PTPRS: variants seen among roughly 807,000 people sequenced by gnomAD.
PTPRS encodes protein tyrosine phosphatase receptor type S, also known as receptor-type tyrosine-protein phosphatase S.
In PTPRS, 63 loss-of-function variants were observed where a neutral mutation model predicts 215.3. That is an observed-to-expected ratio of 0.29 (90% CI 0.24 to 0.36). The LOEUF (loss-of-function observed/expected upper bound fraction) is 0.36, where lower values mean the gene tolerates loss of function less well. Among genes scored for constraint, PTPRS ranks in the 10% least tolerant of loss-of-function variants. PTPRS has a pLI of 1.00. For synonymous variants in PTPRS, 1,404 were observed against 1,191.4 expected (o/e 1.18, Z -3.68); for missense variants, 2,258 against 2,825.8 (o/e 0.80, Z 4.56).
intron 26 of PTPRS, 126 bp from the exon 27 acceptor site, chr19:5,215,721 G>A (rs1001144275): frequency 3.4e-5 from 24 of 705,904 alleles, no homozygotes; most frequent in African/African-American, 2.7e-4. Flanking sequence ...CATGGCCGGG[G>A]TGGGGCTTGG....
At chr19:5,216,556 G>A (rs2041476291) in intron 26 of PTPRS, among the ~76,000 whole-genome samples, 164 bp downstream of exon 26, 1 of 152,046 alleles carries the variant, frequency 6.6e-6, no homozygotes. Flanking sequence ...AGGGCCCAAT[G>A]GACCAACCCC....
At chr19:5,247,674 G>A (rs536477555) in intron 9 of PTPRS, among the ~76,000 whole-genome samples, 20 of 152,124 alleles carry the variant, frequency 1.3e-4, no homozygotes, top group African/African-American at 4.8e-4. Context: ...ATTGGGAGGT[G>A]CAGCCTCAGG....
chr19:5,277,679 G>A, intron 2 of PTPRS: 2 of 494,688 alleles, frequency 4.0e-6, no homozygotes, highest in Non-Finnish European at 3.7e-6. Context: ...AGGAGGAAAA[G>A]CCTCCCTTCC....
chr19:5,220,618 C>A (rs945703416), intron 20 of PTPRS, among the ~76,000 whole-genome samples: 3 of 152,212 alleles, frequency 2.0e-5, no homozygotes, highest in African/African-American at 7.2e-5. Context: ...GCTCCAGCTT[C>A]AATGCCCACA....
chr19:5,237,915 C>T lies in PTPRS; in HGVS notation c.1849+1004G>A, dbSNP rs912265560. On this transcript the variant is annotated intron_variant, in intron 13 of 37. Coordinates refer to ENST00000262963, the MANE Select transcript of PTPRS (RefSeq NM_002850.4). The surrounding 1 kb of genome is among the most constrained non-coding windows in gnomAD (Gnocchi z 4.2). ...CCCGATCCCAGCGGCTCAGATGCCCCGGCTGGAGTTGATGTTAACCCTTCG... is the reference window on the plus strand; with the variant it reads ...CCCGATCCCAGCGGCTCAGATGCCCTGGCTGGAGTTGATGTTAACCCTTCG... Among the ~76,000 whole-genome samples the T allele has an allele frequency of 6.6e-6, 1 of 152,146 alleles. No individual in the cohort carries two copies. The highest frequency in any genetic ancestry group is 2.4e-5 in the African/African-American group (1 of 41,454).
At chr19:5,216,237 T>C (rs10420881) in intron 26 of PTPRS, among the ~76,000 whole-genome samples, 118,929 of 152,034 alleles carry the variant, frequency 0.78, 47,444 homozygotes, top group African/African-American at 0.95. Context: ...TCAAGCCCCC[T>C]AGGATGGCTG....
At chr19:5,219,003 T>G in intron 23 of PTPRS, 1 of 645,698 alleles carries the variant, frequency 1.5e-6, no homozygotes, top group Non-Finnish European at 2.6e-6. Flanking sequence ...AGCCCTGGGA[T>G]GTGCCCCATG....
intron 1 of PTPRS, among the ~76,000 whole-genome samples, chr19:5,315,050 A>C (rs1337573756): frequency 6.6e-6 from 1 of 152,120 alleles, no homozygotes; most frequent in Non-Finnish European, 1.5e-5. Context: ...CTTCACAAAG[A>C]CCTTGTGTGG....
intron 1 of PTPRS, among the ~76,000 whole-genome samples, chr19:5,325,079 A>T (rs970628785): frequency 6.6e-6 from 1 of 152,182 alleles, no homozygotes; most frequent in Non-Finnish European, 1.5e-5. Context: ...CCCCTCCCCG[A>T]CAATCACTGG....
chr19:5,253,665 G>A (rs968634389), intron 9 of PTPRS, among the ~76,000 whole-genome samples: 7 of 152,156 alleles, frequency 4.6e-5, no homozygotes, highest in African/African-American at 1.2e-4. Context: ...AAGCACTAGC[G>A]AAAAATGAGG....
intron 13 of PTPRS, among the ~76,000 whole-genome samples, chr19:5,232,005 A>C (rs1350572772): frequency 6.6e-6 from 1 of 152,238 alleles, no homozygotes. Flanking sequence ...GGGGAATAGC[A>C]ACAGGAGCTC....
At chr19:5,310,652 A>C (rs963973276) in intron 1 of PTPRS, among the ~76,000 whole-genome samples, 2 of 151,842 alleles carry the variant, frequency 1.3e-5, no homozygotes, top group Non-Finnish European at 2.9e-5. Context: ...GCATACAGTC[A>C]ATCCTTAACA....
At chr19:5,227,825 G>C (rs2042636295) in intron 16 of PTPRS, among the ~76,000 whole-genome samples, 1 of 152,082 alleles carries the variant, frequency 6.6e-6, no homozygotes, top group Admixed American at 6.6e-5. Context: ...CTCAATAAGT[G>C]AGTGCTCGTC....
intron 2 of PTPRS, among the ~76,000 whole-genome samples, chr19:5,282,725 C>CTGGGAGGCAGAGGCTGCAG (rs2047964209): frequency 1.3e-5 from 2 of 151,404 alleles, no homozygotes; most frequent in Non-Finnish European, 2.9e-5. Context: ...CTGCTTGAAC[C>CTGGGAGGCAGAGGCTGCAG]TGGGAGGCAG....
chr19:5,273,396 G>A (rs2047087830), intron 4 of PTPRS, 46 bp downstream of exon 4: 3 of 1,613,030 alleles, frequency 1.9e-6, no homozygotes, highest in African/African-American at 1.3e-5. Flanking sequence ...TGTCCCCAAA[G>A]CCCAGGGCCC....
At chr19:5,242,524 C>T (rs568377150) in intron 11 of PTPRS, among the ~76,000 whole-genome samples, 2 of 150,928 alleles carry the variant, frequency 1.3e-5, no homozygotes, top group East Asian at 2.0e-4. Flanking sequence ...TGTGCCACCA[C>T]GACTGGCTAA....
rs536546941 is a variant in PTPRS at position 5,286,614 on chromosome 19, G to A, written c.-94-380C>T. On this transcript the variant is annotated intron_variant, in intron 1 of 37. Coordinates refer to ENST00000262963, the MANE Select transcript of PTPRS (RefSeq NM_002850.4). ...GACACAGGGAGAAGATGCCTTCCAC[G>A]AACCAGAAGATAGCCCTCACCAGAC... Among the ~76,000 whole-genome samples, 8 of 152,262 alleles carry A rather than the reference G, an allele frequency of 5.3e-5. No homozygotes were observed. In the South Asian group the frequency reaches 6.2e-4, roughly 12 times the overall value.
intron 13 of PTPRS, among the ~76,000 whole-genome samples, chr19:5,234,328 G>T (rs118059728): frequency 0.031 from 4,712 of 152,162 alleles, 109 homozygotes; most frequent in Middle Eastern, 0.071. Flanking sequence ...AATGTCAAGG[G>T]CTTTATCAAG....
intron 2 of PTPRS, among the ~76,000 whole-genome samples, chr19:5,277,146 G>A (rs936326775): frequency 1.3e-5 from 2 of 148,734 alleles, no homozygotes; most frequent in Non-Finnish European, 3.0e-5. Flanking sequence ...GGCAAGCTCT[G>A]CCTCCTGGGT....
Sources: gnomAD v4.1 joint callset for allele counts (sites outside exome capture counted in the v4.1 genomes callset) on GRCh38, gnomAD v4.1.1 for gene constraint, Gnocchi (gnomAD v3.1) non-coding constraint, MANE v1.5 for transcripts, NCBI Gene and HGNC (gene_info 2026-07-23, HGNC 2026-07-21) for gene names.